DGKB: variants seen among roughly 807,000 people sequenced by gnomAD.
DGKB encodes the protein diacylglycerol kinase beta, also known as 90 kDa diacylglycerol kinase.
DGKB carries 67 observed loss-of-function variants against 114.3 expected under a neutral mutation model. The ratio of observed to expected loss-of-function variants is 0.59; its 90% confidence interval spans 0.48 to 0.72. The LOEUF is 0.72. Ranked by LOEUF, DGKB falls within the 30% of genes least tolerant of loss-of-function variation. The probability of loss-of-function intolerance (pLI) is 0.00; values close to 1 mark genes in which losing one functional copy is unlikely to be tolerated. For synonymous variants in DGKB, 398 were observed against 323.1 expected (o/e 1.23, Z -2.49); for missense variants, 907 against 975.2 (o/e 0.93, Z 0.93).
chr7:14,353,152 T>C (rs1813792805), intron 21 of DGKB, among the ~76,000 whole-genome samples: 1 of 152,106 alleles, frequency 6.6e-6, no homozygotes, highest in Admixed American at 6.5e-5. Flanking sequence ...CCCAAATGTC[T>C]CTCATTATAT....
At chr7:14,767,622 C>T (rs1836661104) in intron 2 of DGKB, among the ~76,000 whole-genome samples, 1 of 151,810 alleles carries the variant, frequency 6.6e-6, no homozygotes, top group African/African-American at 2.4e-5. Context: ...CTCTCTTTAA[C>T]CAACAACTTG....
At chr7:14,394,347 T>TA (rs1821904744) in intron 21 of DGKB, among the ~76,000 whole-genome samples, 1 of 152,202 alleles carries the variant, frequency 6.6e-6, no homozygotes, top group South Asian at 2.1e-4. Flanking sequence ...AAGCAAACTT[T>TA]GTTTTTCTTT....
At chr7:14,473,840 C>A (rs1781779385) in intron 21 of DGKB, among the ~76,000 whole-genome samples, 1 of 152,122 alleles carries the variant, frequency 6.6e-6, no homozygotes, top group Non-Finnish European at 1.5e-5. Context: ...GGCATGTAGC[C>A]CCTTTGTTTT....
At chr7:14,771,280 T>C (rs758140007) in intron 2 of DGKB, among the ~76,000 whole-genome samples, 11 of 152,108 alleles carry the variant, frequency 7.2e-5, no homozygotes, top group Non-Finnish European at 1.5e-4. Flanking sequence ...TCTGGGAAAC[T>C]GTAATTTTCA....
intron 20 of DGKB, among the ~76,000 whole-genome samples, chr7:14,554,490 A>C (rs1460734781): frequency 6.6e-6 from 1 of 152,132 alleles, no homozygotes; most frequent in African/African-American, 2.4e-5. Flanking sequence ...TGCAGCTTAC[A>C]CTTTTGTACT....
chr7:14,839,636 A>G (rs1416108465), intron 2 of DGKB, among the ~76,000 whole-genome samples: 1 of 151,976 alleles, frequency 6.6e-6, no homozygotes, highest in African/African-American at 2.4e-5. Flanking sequence ...TGCTGGGCTC[A>G]AGCAATCCTT....
chr7:14,790,431 G>A (rs760534572), intron 2 of DGKB, among the ~76,000 whole-genome samples: 2 of 144,066 alleles, frequency 1.4e-5, no homozygotes, highest in Admixed American at 1.4e-4. Flanking sequence ...TCAGTTTTAT[G>A]TTTTAAATAT....
intron 21 of DGKB, among the ~76,000 whole-genome samples, chr7:14,355,780 T>C (rs1814345236): frequency 1.3e-5 from 2 of 152,194 alleles, no homozygotes; most frequent in African/African-American, 2.4e-5. Flanking sequence ...ATCAGGATGA[T>C]GCTGGCCTCA....
intron 23 of DGKB, among the ~76,000 whole-genome samples, chr7:14,225,840 A>C (rs184850560): frequency 6.6e-6 from 1 of 152,116 alleles, no homozygotes; most frequent in East Asian, 1.9e-4. Flanking sequence ...TGATAATAAA[A>C]TGTGCTATTA....
chr7:14,754,088 A>C, intron 3 of DGKB, 140 bp from the exon 4 acceptor site: 1 of 564,782 alleles, frequency 1.8e-6, no homozygotes, highest in Non-Finnish European at 3.1e-6. Flanking sequence ...TAGGCCTCAA[A>C]AGGTGGTTCC....
chr7:14,507,566 A>AT (rs1787286314), intron 20 of DGKB, among the ~76,000 whole-genome samples: 1 of 152,128 alleles, frequency 6.6e-6, no homozygotes, highest in Non-Finnish European at 1.5e-5. Context: ...CAGTGTTCTC[A>AT]TTTTTTACTG....
At chr7:14,390,387 A>G (rs1821133658) in intron 21 of DGKB, among the ~76,000 whole-genome samples, 1 of 152,186 alleles carries the variant, frequency 6.6e-6, no homozygotes, top group Admixed American at 6.5e-5. Flanking sequence ...GCAGTTTTTG[A>G]GGGTTTTAGA....
rs1800202627 is a variant in DGKB, at chr7:14,583,148, A to AG, written c.1434-12dup. 6.4e-7 allele frequency: 1 copy of AG among 1,567,160 alleles called. No individual in the cohort carries two copies. Among genetic ancestry groups the AG allele is most frequent in the African/African-American group, 1.4e-5 (1 of 73,994 alleles). On this transcript the variant is annotated splice_polypyrimidine_tract_variant and intron_variant, in intron 17 of 25. Transcript: ENST00000402815. ...CGGAAAAAGTTTAACCTGAAAAATA[A>AG]GCATGTTATGGCACATGATTAATAG...
intron 2 of DGKB, among the ~76,000 whole-genome samples, chr7:14,771,252 C>A (rs1045636055): frequency 6.6e-6 from 1 of 152,108 alleles, no homozygotes. Context: ...AGACATATAG[C>A]TAAGAAGGTA....
At chr7:14,851,169 G>C (rs1285501511) in intron 1 of DGKB, among the ~76,000 whole-genome samples, 5 of 152,142 alleles carry the variant, frequency 3.3e-5, no homozygotes, top group Non-Finnish European at 5.9e-5. Context: ...TTTTAGAGGA[G>C]TATGTGGGTG....
At chr7:14,722,612 G>C (rs745654948) in intron 5 of DGKB, among the ~76,000 whole-genome samples, 3 of 152,086 alleles carry the variant, frequency 2.0e-5, no homozygotes, top group Non-Finnish European at 4.4e-5. Context: ...AAGAGATCGA[G>C]AACATCCTGG....
intron 1 of DGKB, among the ~76,000 whole-genome samples, chr7:14,964,103 C>A (rs977726805): frequency 1.3e-4 from 20 of 151,666 alleles, no homozygotes; most frequent in Middle Eastern, 3.2e-3. Flanking sequence ...ACATTTGGAA[C>A]AATCAATCTC....
chr7:14,612,742 T>A (rs917321926), intron 16 of DGKB, among the ~76,000 whole-genome samples: 1 of 152,092 alleles, frequency 6.6e-6, no homozygotes, highest in African/African-American at 2.4e-5. Context: ...TAGGAAGACA[T>A]AAGATTTACT....
At chr7:14,231,135 C>CTTTCTTTCTTTCTTTCTTTT (rs1562685243) in intron 23 of DGKB, among the ~76,000 whole-genome samples, 1 of 111,728 alleles carries the variant, frequency 9.0e-6, no homozygotes, top group Non-Finnish European at 1.9e-5. Flanking sequence ...TTCTTTCTTT[C>CTTTCTTTCTTTCTTTCTTTT]TTTCTTTCTT....
Sources: gnomAD v4.1 joint callset for allele counts (sites outside exome capture counted in the v4.1 genomes callset) on GRCh38, gnomAD v4.1.1 for gene constraint, MANE v1.5 for transcripts, NCBI Gene and HGNC (gene_info 2026-07-23, HGNC 2026-07-21) for gene names.